The following PHKB variants were observed in gnomAD, a reference collection of about 807,000 sequenced individuals.
The protein encoded by PHKB is phosphorylase b kinase regulatory subunit beta.
PHKB carries 122 observed loss-of-function variants against 152.1 expected under a neutral mutation model. The ratio of observed to expected loss-of-function variants is 0.80; its 90% confidence interval spans 0.69 to 0.93. The LOEUF is 0.93. Among genes scored for constraint, PHKB ranks in the 40% least tolerant of loss-of-function variants. The pLI, the probability that PHKB is intolerant of heterozygous loss-of-function variation, is 0.00. For synonymous variants in PHKB, 436 were observed against 464.9 expected (o/e 0.94, Z 0.80); for missense variants, 1,304 against 1,328.4 (o/e 0.98, Z 0.29).
chr16:47,563,994 CTT>C (rs899061752), intron 7 of PHKB, among the ~76,000 whole-genome samples: 5 of 82,022 alleles, frequency 6.1e-5, no homozygotes, highest in Admixed American at 2.5e-4. Context: ...TTATTTCATT[CTT>C]TTTTTTTTTT....
intron 1 of PHKB, among the ~76,000 whole-genome samples, chr16:47,468,526 G>A (rs533882932): frequency 6.6e-5 from 10 of 152,184 alleles, no homozygotes; most frequent in Admixed American, 2.6e-4. Context: ...GGTGGCATGC[G>A]CCTGTAATCT....
chr16:47,594,004 C>T, intron 11 of PHKB, 133 bp from the exon 12 acceptor site: 42 of 598,904 alleles, frequency 7.0e-5, no homozygotes, highest in South Asian at 1.7e-4. Flanking sequence ...ATTTTTTTTC[C>T]ACTTTAATTT....
chr16:47,484,185 T>C (rs1442815378), intron 1 of PHKB, among the ~76,000 whole-genome samples: 8 of 152,196 alleles, frequency 5.3e-5, no homozygotes, highest in Admixed American at 5.2e-4. Context: ...ATAGATTTTA[T>C]AGGCCATGTT....
chr16:47,602,754 C>A (rs971922058), intron 13 of PHKB, among the ~76,000 whole-genome samples: 2 of 152,096 alleles, frequency 1.3e-5, no homozygotes, highest in Non-Finnish European at 2.9e-5. Context: ...AGGAAATACA[C>A]ATAAAGCATT....
rs918529283 is a variant in PHKB, at chr16:47,583,382, T to A, written c.774+3024T>A. Among the ~76,000 whole-genome samples the A allele has an allele frequency of 2.0e-5, 3 of 152,226 alleles. No individual in the cohort carries two copies. The East Asian group carries it at 5.8e-4, about 29-fold the overall frequency. On this transcript the variant is annotated intron_variant, in intron 8 of 30. Transcript: ENST00000323584. ...TGTCATTGTATATACTTAAAAGAGC[T>A]GTGATCTAATTAAAAGTCAGTTGCT... is the stretch of plus-strand genomic sequence containing the variant.
intron 7 of PHKB, among the ~76,000 whole-genome samples, chr16:47,569,516 A>G (rs1389286893): frequency 6.6e-6 from 1 of 152,186 alleles, no homozygotes; most frequent in Non-Finnish European, 1.5e-5. Context: ...CGAAAATAGT[A>G]TTGATATGGA....
intron 1 of PHKB, among the ~76,000 whole-genome samples, chr16:47,495,988 C>A (rs185459988): frequency 1.3e-5 from 2 of 152,062 alleles, no homozygotes; most frequent in African/African-American, 2.4e-5. Context: ...CCTTTCTTTA[C>A]GTTCTTCTTA....
intron 11 of PHKB, 131 bp from the exon 12 acceptor site, chr16:47,594,006 C>CT (rs1311967540): frequency 1.6e-6 from 1 of 619,024 alleles, no homozygotes; most frequent in Non-Finnish European, 2.9e-6. Context: ...TTTTTTTCCA[C>CT]TTTAATTTTA....
chr16:47,570,431 G>A (rs1971638659), intron 7 of PHKB, among the ~76,000 whole-genome samples: 1 of 152,110 alleles, frequency 6.6e-6, no homozygotes. Flanking sequence ...CTTAGATTTG[G>A]ATGTTTTACA....
chr16:47,679,432 C>A (rs913668962), intron 26 of PHKB, among the ~76,000 whole-genome samples: 1 of 152,050 alleles, frequency 6.6e-6, no homozygotes, highest in South Asian at 2.1e-4. Context: ...TGTTTGTGTC[C>A]TCTTTTATTT....
intron 14 of PHKB, among the ~76,000 whole-genome samples, chr16:47,634,013 A>G (rs1024405046): frequency 1.3e-4 from 20 of 152,342 alleles, no homozygotes; most frequent in African/African-American, 4.6e-4. Flanking sequence ...GAAGAAGCCT[A>G]TTGCAGTGAC....
intron 13 of PHKB, among the ~76,000 whole-genome samples, chr16:47,599,600 A>C (rs891655725): frequency 6.6e-6 from 1 of 152,250 alleles, no homozygotes; most frequent in Non-Finnish European, 1.5e-5. Flanking sequence ...GAAGTAGTAC[A>C]GGTCATGCCT....
intron 7 of PHKB, among the ~76,000 whole-genome samples, chr16:47,549,913 C>T (rs1265444022): frequency 6.6e-6 from 1 of 151,500 alleles, no homozygotes; most frequent in African/African-American, 2.4e-5. Context: ...TTTTTGCCAT[C>T]GTTTGCATGC....
intron 8 of PHKB, among the ~76,000 whole-genome samples, chr16:47,581,797 G>A (rs920889997): frequency 3.3e-5 from 5 of 151,826 alleles, no homozygotes; most frequent in Non-Finnish European, 7.4e-5. Context: ...CTTCTGCCTC[G>A]GACCCCCGAG....
At chr16:47,478,164 C>G (rs1371126763) in intron 1 of PHKB, among the ~76,000 whole-genome samples, 1 of 152,086 alleles carries the variant, frequency 6.6e-6, no homozygotes, top group South Asian at 2.1e-4. Flanking sequence ...AAAGCAGAGT[C>G]TAGCAATTAT....
chr16:47,634,770 T>G (rs1425460479), intron 14 of PHKB, among the ~76,000 whole-genome samples: 2 of 151,976 alleles, frequency 1.3e-5, no homozygotes, highest in Non-Finnish European at 2.9e-5. Context: ...TAAAACATGG[T>G]GAAGAAGAGA....
chr16:47,690,124 T>C (rs1371226481), intron 27 of PHKB, among the ~76,000 whole-genome samples: 1 of 152,076 alleles, frequency 6.6e-6, no homozygotes, highest in African/African-American at 2.4e-5. Context: ...AGTCCAGAAA[T>C]AGACCCCCAA....
At chr16:47,546,758 T>A (rs1971174523) in intron 6 of PHKB, among the ~76,000 whole-genome samples, 1 of 152,078 alleles carries the variant, frequency 6.6e-6, no homozygotes, top group East Asian at 1.9e-4. Flanking sequence ...TGTGGTGGGC[T>A]CCACCTATAG....
intron 1 of PHKB, chr16:47,464,180 A>T: frequency 1.7e-6 from 1 of 599,420 alleles, no homozygotes; most frequent in Admixed American, 2.7e-5. Flanking sequence ...TGTTCTTCTC[A>T]TGTGGGATGT....
Sources: allele counts gnomAD v4.1 joint callset (sites outside exome capture counted in the v4.1 genomes callset), GRCh38; gene constraint gnomAD v4.1.1; transcripts MANE v1.5; gene names NCBI Gene and HGNC (gene_info 2026-07-23, HGNC 2026-07-21).